The following HDAC9 variants were observed in gnomAD, a reference collection of about 807,000 sequenced individuals.
The protein encoded by HDAC9 is MEF-2 interacting transcription repressor (MITR) protein.
Under a neutral mutation model 139.4 loss-of-function variants are expected in HDAC9, and 41 were observed. The observed-to-expected ratio is 0.29, with a 90% CI of 0.23 to 0.38. The LOEUF (loss-of-function observed/expected upper bound fraction) is 0.38. Among genes scored for constraint, HDAC9 ranks in the 10% least tolerant of loss-of-function variants. The pLI, the probability that HDAC9 is intolerant of heterozygous loss-of-function variation, is 1.00. For missense variants in HDAC9, 1,147 were observed against 1,297.0 expected (o/e 0.88, Z 1.78); for synonymous variants, 517 against 476.2 (o/e 1.09, Z -1.12).
chr7:18,714,261 T>C (rs1356023972), intron 12 of HDAC9, among the ~76,000 whole-genome samples: 1 of 152,256 alleles, frequency 6.6e-6, no homozygotes, highest in African/African-American at 2.4e-5. Context: ...TTGCCTACTC[T>C]ACGCAAAACA....
chr7:18,207,735 A>G (rs1262245268), intron 2 of HDAC9, among the ~76,000 whole-genome samples: 1 of 151,582 alleles, frequency 6.6e-6, no homozygotes. Flanking sequence ...TATTTTTGAG[A>G]AGGAGTTTTG....
chr7:18,522,770 GT>G (rs767915642), intron 2 of HDAC9, among the ~76,000 whole-genome samples: 3 of 152,132 alleles, frequency 2.0e-5, no homozygotes, highest in Non-Finnish European at 4.4e-5. Context: ...TGACCATTAA[GT>G]GCTATGAATT....
chr7:18,101,699 T>C (rs1027103519), intron 1 of HDAC9, among the ~76,000 whole-genome samples: 2 of 152,254 alleles, frequency 1.3e-5, no homozygotes, highest in Non-Finnish European at 2.9e-5. Context: ...TGCACAGTTA[T>C]ATTCTATATC....
chr7:18,805,899 G>GA (rs1369834359), intron 17 of HDAC9, among the ~76,000 whole-genome samples: 1 of 152,114 alleles, frequency 6.6e-6, no homozygotes, highest in Non-Finnish European at 1.5e-5. Flanking sequence ...GAGTAAGAAG[G>GA]AAAAAATATA....
intron 21 of HDAC9, among the ~76,000 whole-genome samples, chr7:18,848,139 C>A (rs1369053647): frequency 6.6e-6 from 1 of 152,022 alleles, no homozygotes; most frequent in African/African-American, 2.4e-5. Context: ...TATTAGGAAC[C>A]CAGGGAGACC....
chr7:18,866,849 A>C (rs1798539660), intron 21 of HDAC9, among the ~76,000 whole-genome samples: 2 of 152,156 alleles, frequency 1.3e-5, no homozygotes, highest in African/African-American at 2.4e-5. Context: ...ATGGGAAATT[A>C]CTAGTGTGGT....
rs538683182 is a variant in HDAC9, at chr7:18,107,497, C to G, written c.-97+20284C>G. On this transcript the variant is annotated intron_variant, in intron 1 of 12. Transcript: ENST00000417496. ...TGGCTTCATTGAAATACAACTTGAT[C>G]TCTTTCTTGCTCTCTCTCTCTCTCT... 1.8e-4 allele frequency among the ~76,000 whole-genome samples: 28 copies of G among 151,716 alleles called. No individual in the cohort carries two copies. The South Asian group carries it at 5.9e-3, about 32-fold the overall frequency.
At chr7:18,902,016 T>G (rs1801771692) in intron 22 of HDAC9, among the ~76,000 whole-genome samples, 1 of 152,206 alleles carries the variant, frequency 6.6e-6, no homozygotes, top group Non-Finnish European at 1.5e-5. Context: ...TGCCCTAAAG[T>G]GTTTGGAAAC....
chr7:18,650,085 G>A (rs982440644), intron 11 of HDAC9, among the ~76,000 whole-genome samples: 1 of 152,048 alleles, frequency 6.6e-6, no homozygotes, highest in African/African-American at 2.4e-5. Context: ...CTGACTAATG[G>A]CATAATACTC....
chr7:18,922,946 AAG>A (rs1166053087), intron 22 of HDAC9, among the ~76,000 whole-genome samples: 1 of 152,064 alleles, frequency 6.6e-6, no homozygotes, highest in Non-Finnish European at 1.5e-5. Flanking sequence ...GGTGTCTCCT[AAG>A]AGAAGTAATG....
At chr7:18,874,137 C>T (rs1285436131) in intron 21 of HDAC9, among the ~76,000 whole-genome samples, 1 of 151,882 alleles carries the variant, frequency 6.6e-6, no homozygotes, top group East Asian at 1.9e-4. Context: ...AAACATTAGT[C>T]ACTCCCTTGG....
intron 1 of HDAC9, among the ~76,000 whole-genome samples, chr7:18,482,361 T>A (rs925222993): frequency 2.9e-5 from 2 of 69,910 alleles, no homozygotes; most frequent in Non-Finnish European, 4.9e-5. Context: ...CTGGGCAACA[T>A]AGTAAGACCT....
At chr7:18,298,345 T>A (rs1055903049) in intron 1 of HDAC9, among the ~76,000 whole-genome samples, 6 of 151,990 alleles carry the variant, frequency 3.9e-5, no homozygotes, top group Admixed American at 6.6e-5. Flanking sequence ...TGCAGGTTAG[T>A]TACATATGTG....
chr7:18,393,854 A>G (rs900676363), intron 1 of HDAC9, among the ~76,000 whole-genome samples: 1 of 152,224 alleles, frequency 6.6e-6, no homozygotes, highest in African/African-American at 2.4e-5. Context: ...CAGGCTGCTT[A>G]AAAGCCACGC....
chr7:18,881,332 GATTAC>G (rs1317507160), intron 22 of HDAC9, among the ~76,000 whole-genome samples: 1 of 151,998 alleles, frequency 6.6e-6, no homozygotes, highest in Non-Finnish European at 1.5e-5. Flanking sequence ...AGATAGCCTT[GATTAC>G]AATCTGTTTG....
upstream of HDAC9, among the ~76,000 whole-genome samples, chr7:18,286,897 C>T (rs749199314): frequency 7.2e-5 from 11 of 152,234 alleles, no homozygotes; most frequent in East Asian, 1.9e-4. Flanking sequence ...TTCTATGACA[C>T]GCAGTCAGAC....
chr7:18,950,696 G>A (rs1782731387), intron 23 of HDAC9, among the ~76,000 whole-genome samples: 1 of 151,862 alleles, frequency 6.6e-6, no homozygotes, highest in African/African-American at 2.4e-5. Context: ...CCATAGGAGG[G>A]GAAGAAATTT....
chr7:18,265,921 T>C (rs1272021012), intron 2 of HDAC9, among the ~76,000 whole-genome samples: 1 of 152,200 alleles, frequency 6.6e-6, no homozygotes, highest in Admixed American at 6.5e-5. Context: ...GAGATTATTC[T>C]ATAATACCAC....
chr7:18,109,355 G>A (rs577312591), intron 1 of HDAC9, among the ~76,000 whole-genome samples: 31 of 152,330 alleles, frequency 2.0e-4, no homozygotes, highest in African/African-American at 7.5e-4. Flanking sequence ...AAGGTAGGTA[G>A]GTTAGGGTAA....
Sources: gnomAD v4.1 joint callset for allele counts (sites outside exome capture counted in the v4.1 genomes callset) on GRCh38, gnomAD v4.1.1 for gene constraint, MANE v1.5 for transcripts, NCBI Gene and HGNC (gene_info 2026-07-23, HGNC 2026-07-21) for gene names.